The following KIF16B variants were observed in gnomAD, a reference collection of about 807,000 sequenced individuals.
KIF16B encodes kinesin family member 16B.
In KIF16B, 98 loss-of-function variants were observed where a neutral mutation model predicts 156.3. The ratio of observed to expected loss-of-function variants is 0.63; its 90% CI spans 0.53 to 0.74. The LOEUF is 0.74. Ranked by LOEUF, KIF16B falls within the 30% of genes least tolerant of loss-of-function variation. The probability of loss-of-function intolerance (pLI) is 0.00; values close to 1 mark genes in which losing one functional copy is unlikely to be tolerated. For missense variants in KIF16B, 1,421 were observed against 1,606.5 expected (o/e 0.88, Z 1.97); for synonymous variants, 564 against 583.7 (o/e 0.97, Z 0.49).
chr20:16,495,387 G>C (rs1421365084), intron 11 of KIF16B, among the ~76,000 whole-genome samples: 1 of 152,026 alleles, frequency 6.6e-6, no homozygotes, highest in African/African-American at 2.4e-5. Context: ...AACTGGAAAG[G>C]GTATTCAAGG....
intron 23 of KIF16B, among the ~76,000 whole-genome samples, chr20:16,347,577 T>A (rs1017598395): frequency 3.7e-4 from 56 of 149,582 alleles, no homozygotes; most frequent in African/African-American, 1.3e-3. Flanking sequence ...AAAAAAAATT[T>A]TTTTTCACTT....
chr20:16,503,657 C>T (rs1403311214), intron 10 of KIF16B, among the ~76,000 whole-genome samples: 2 of 152,172 alleles, frequency 1.3e-5, no homozygotes, highest in Admixed American at 6.5e-5. Flanking sequence ...TTTAAAAAAG[C>T]TATCCTTCAT....
intron 16 of KIF16B, 52 bp downstream of exon 16, chr20:16,406,322 T>C (rs2065784063): frequency 6.7e-7 from 1 of 1,488,894 alleles, no homozygotes. Context: ...CACCACCCAC[T>C]CATCCTCACA....
chr20:16,564,732 G>C (rs539706464), intron 1 of KIF16B, among the ~76,000 whole-genome samples: 1 of 151,712 alleles, frequency 6.6e-6, no homozygotes, highest in Non-Finnish European at 1.5e-5. Flanking sequence ...ACGGAAATGA[G>C]GCTCCCTCCT....
intron 3 of KIF16B, among the ~76,000 whole-genome samples, chr20:16,524,431 A>G (rs1183609646): frequency 1.3e-5 from 2 of 152,256 alleles, no homozygotes; most frequent in African/African-American, 4.8e-5. Flanking sequence ...AAAAAAGCTC[A>G]TCATCACTGG....
At chr20:16,422,848 C>T (rs1399163182) in intron 15 of KIF16B, among the ~76,000 whole-genome samples, 2 of 152,106 alleles carry the variant, frequency 1.3e-5, no homozygotes, top group Non-Finnish European at 2.9e-5. Flanking sequence ...TAGAATCTAA[C>T]TCCTCAAATT....
At chr20:16,380,277 T>TA (rs886450612) in intron 18 of KIF16B, 114 bp from the exon 19 acceptor site, 68 of 952,522 alleles carry the variant, frequency 7.1e-5, no homozygotes, top group Admixed American at 2.0e-4. Flanking sequence ...TCCATTAAAA[T>TA]AAAAAAAAGA....
At chr20:16,299,610 G>A (rs1458036591) in intron 25 of KIF16B, among the ~76,000 whole-genome samples, 1 of 152,144 alleles carries the variant, frequency 6.6e-6, no homozygotes, top group Non-Finnish European at 1.5e-5. Context: ...TGCCACAGAA[G>A]GTCACTCTGT....
At chr20:16,573,192 C>A (rs763810903) in intron 1 of KIF16B, 37 bp downstream of exon 1, 2 of 1,536,850 alleles carry the variant, frequency 1.3e-6, no homozygotes, top group African/African-American at 1.4e-5. Context: ...TGGGTGGGGG[C>A]GCGACGAGGG....
At chr20:16,388,860 G>A (rs1420417231) in intron 17 of KIF16B, among the ~76,000 whole-genome samples, 1 of 152,128 alleles carries the variant, frequency 6.6e-6, no homozygotes, top group Non-Finnish European at 1.5e-5. Context: ...CTGCATCCTT[G>A]TGTGTCTTCA....
chr20:16,409,425 T>C (rs978439861), intron 15 of KIF16B, among the ~76,000 whole-genome samples: 2 of 152,022 alleles, frequency 1.3e-5, no homozygotes, highest in Non-Finnish European at 2.9e-5. Context: ...AAGGATCTTG[T>C]GTTTTATCTA....
At chr20:16,313,981 G>A (rs542261058) in intron 24 of KIF16B, among the ~76,000 whole-genome samples, 2 of 152,202 alleles carry the variant, frequency 1.3e-5, no homozygotes, top group Non-Finnish European at 2.9e-5. Context: ...GTTATAGAGT[G>A]TGTGTGTGTT....
intron 1 of KIF16B, among the ~76,000 whole-genome samples, chr20:16,540,820 A>G (rs2070168297): frequency 6.6e-6 from 1 of 152,166 alleles, no homozygotes; most frequent in South Asian, 2.1e-4. Context: ...TGAATTTCCC[A>G]TAATAGTTAA....
intron 17 of KIF16B, among the ~76,000 whole-genome samples, chr20:16,394,804 G>A (rs2065451973): frequency 6.6e-6 from 1 of 152,128 alleles, no homozygotes; most frequent in East Asian, 1.9e-4. Flanking sequence ...GCAAGGGAAT[G>A]TGGTCTTCTT....
intron 25 of KIF16B, among the ~76,000 whole-genome samples, chr20:16,299,160 TA>T (rs1286493511): frequency 6.6e-6 from 1 of 152,134 alleles, no homozygotes; most frequent in Admixed American, 6.5e-5. Flanking sequence ...AGATATAGCT[TA>T]AAATATTTAT....
chr20:16,450,734 T>A (rs2067057527), intron 12 of KIF16B, among the ~76,000 whole-genome samples: 1 of 152,128 alleles, frequency 6.6e-6, no homozygotes, highest in Non-Finnish European at 1.5e-5. Flanking sequence ...ACACTCAACA[T>A]GCAGTGTCAG....
chr20:16,321,816 A>G (rs2063776837), intron 24 of KIF16B, among the ~76,000 whole-genome samples: 1 of 152,084 alleles, frequency 6.6e-6, no homozygotes, highest in Admixed American at 6.6e-5. Flanking sequence ...GAAAACCCTT[A>G]AAATGGCATC....
At chr20:16,473,508 C>A (rs923771553) in intron 12 of KIF16B, among the ~76,000 whole-genome samples, 1 of 152,130 alleles carries the variant, frequency 6.6e-6, no homozygotes, top group Non-Finnish European at 1.5e-5. Flanking sequence ...AATGTTAGTA[C>A]CCCATGGAAG....
intron 25 of KIF16B, among the ~76,000 whole-genome samples, chr20:16,286,822 G>A (rs945191311): frequency 1.3e-5 from 2 of 152,176 alleles, no homozygotes; most frequent in Non-Finnish European, 2.9e-5. Context: ...ATGCTTCGTG[G>A]GATTCACACC....
Sources: allele counts gnomAD v4.1 joint callset (sites outside exome capture counted in the v4.1 genomes callset), GRCh38; gene constraint gnomAD v4.1.1; transcripts MANE v1.5; gene names NCBI Gene and HGNC (gene_info 2026-07-23, HGNC 2026-07-21).